Variants in LSAMP observed in about 807,000 individuals in gnomAD.
The protein encoded by LSAMP is limbic system associated membrane protein.
LSAMP carries 7 observed loss-of-function variants against 38.6 expected under a neutral mutation model. The ratio of observed to expected loss-of-function variants is 0.18; its 90% CI spans 0.10 to 0.34. The LOEUF (loss-of-function observed/expected upper bound fraction) is 0.34, where lower values mean the gene tolerates loss of function less well. Ranked by LOEUF, LSAMP falls within the 10% of genes least tolerant of loss-of-function variation. The pLI, the probability that LSAMP is intolerant of heterozygous loss-of-function variation, is 1.00. For missense variants in LSAMP, 313 were observed against 420.0 expected, an observed-to-expected ratio of 0.75 and a Z score of 2.23; for synonymous variants, 154 against 166.8, an observed-to-expected ratio of 0.92 and a Z score of 0.59.
At chr3:115,941,763 C>G (rs1048566898) in intron 3 of LSAMP, among the ~76,000 whole-genome samples, 1 of 152,048 alleles carries the variant, frequency 6.6e-6, no homozygotes, top group African/African-American at 2.4e-5. Context: ...CTCATAGAAA[C>G]AGAATAGAAT....
At chr3:116,419,100 G>T (rs1363947730) in intron 1 of LSAMP, among the ~76,000 whole-genome samples, 1 of 152,072 alleles carries the variant, frequency 6.6e-6, no homozygotes, top group Non-Finnish European at 1.5e-5. Flanking sequence ...TCCTATTCTG[G>T]GTAGGCAATT....
In LSAMP at chr3:115,976,686, T is replaced by C. The variant is rs531580696; in HGVS notation, c.514+42829A>G. Among the ~76,000 whole-genome samples, 9 of 152,246 alleles carry C rather than the reference T, an allele frequency of 5.9e-5. No individual in the cohort carries two copies. The South Asian group carries it at 1.9e-3, about 32-fold the overall frequency. On this transcript the variant is annotated intron_variant, in intron 3 of 6. Coordinates refer to ENST00000490035, the MANE Select transcript of LSAMP (RefSeq NM_002338.5). ...GGGGAAGGAATGTGGTGAGAGGTGA[T>C]TGGATCATGGGGGCGGATTATCCCC...
chr3:115,897,868 G>A (rs888648992), intron 3 of LSAMP, among the ~76,000 whole-genome samples: 2 of 152,118 alleles, frequency 1.3e-5, no homozygotes, highest in African/African-American at 4.8e-5. Context: ...TAATTAAATT[G>A]GGAGGGCAAA....
chr3:116,271,006 A>G (rs1194314359), intron 1 of LSAMP, among the ~76,000 whole-genome samples: 1 of 152,106 alleles, frequency 6.6e-6, no homozygotes, highest in Non-Finnish European at 1.5e-5. Context: ...TTTCATAAGT[A>G]ACATGCTAGA....
intron 6 of LSAMP, among the ~76,000 whole-genome samples, chr3:115,810,857 C>T (rs547340931): frequency 6.6e-6 from 1 of 152,218 alleles, no homozygotes; most frequent in East Asian, 1.9e-4. Flanking sequence ...ACCAATAAAG[C>T]ATGGAACCAA....
intron 3 of LSAMP, among the ~76,000 whole-genome samples, chr3:116,019,100 T>C (rs1940563197): frequency 6.7e-6 from 1 of 149,666 alleles, no homozygotes; most frequent in African/African-American, 2.5e-5. Flanking sequence ...CAAACTGGCA[T>C]GTATTTTACA....
chr3:116,392,394 A>G (rs2048714628), intron 1 of LSAMP, among the ~76,000 whole-genome samples: 1 of 152,214 alleles, frequency 6.6e-6, no homozygotes, highest in Non-Finnish European at 1.5e-5. Context: ...GAGTAAAGTC[A>G]GGGGCCAAGC....
chr3:116,050,113 T>C (rs1404841094), intron 2 of LSAMP, among the ~76,000 whole-genome samples: 1 of 152,118 alleles, frequency 6.6e-6, no homozygotes, highest in African/African-American at 2.4e-5. Context: ...TAATAAAAGA[T>C]CTGAAAGGGT....
intron 2 of LSAMP, among the ~76,000 whole-genome samples, chr3:116,063,824 A>T (rs1324537868): frequency 7.2e-5 from 11 of 152,190 alleles, no homozygotes; most frequent in African/African-American, 2.4e-4. Context: ...ACTACAAAAA[A>T]ACCAAATCTT....
At chr3:116,055,649 T>C (rs1941477972) in intron 2 of LSAMP, among the ~76,000 whole-genome samples, 1 of 152,180 alleles carries the variant, frequency 6.6e-6, no homozygotes, top group Non-Finnish European at 1.5e-5. Context: ...TTGCAAACCA[T>C]GTTTCCTGGT....
At chr3:115,875,606 T>G (rs1338811530) in intron 3 of LSAMP, among the ~76,000 whole-genome samples, 1 of 152,052 alleles carries the variant, frequency 6.6e-6, no homozygotes, top group South Asian at 2.1e-4. Context: ...TGACTGAATA[T>G]TCATGTGAGG....
In LSAMP at chr3:115,924,897, G is replaced by T. The variant is rs187346330; in HGVS notation, c.515-72280C>A. On this transcript the variant is annotated intron_variant, in intron 3 of 6. Coordinates refer to ENST00000490035, the MANE Select transcript of LSAMP (RefSeq NM_002338.5). ...TAGAAAATCCCCTACACTTTGACAGGCCCTGCTCTGGCCTTTCTCTTGCTA... is the reference window on the plus strand; with the variant it reads ...TAGAAAATCCCCTACACTTTGACAGTCCCTGCTCTGGCCTTTCTCTTGCTA... 2.0e-3 allele frequency among the ~76,000 whole-genome samples: 300 copies of T among 152,234 alleles called. 2 individuals carry two copies. The highest frequency in any genetic ancestry group is 6.7e-3 in the African/African-American group (279 of 41,538).
chr3:116,204,755 A>G (rs1360714573), intron 1 of LSAMP, among the ~76,000 whole-genome samples: 1 of 151,072 alleles, frequency 6.6e-6, no homozygotes, highest in Non-Finnish European at 1.5e-5. Context: ...TGTTCCATTG[A>G]TCTATCTCTC....
At chr3:116,078,436 T>C (rs1416027771) in intron 2 of LSAMP, among the ~76,000 whole-genome samples, 1 of 152,064 alleles carries the variant, frequency 6.6e-6, no homozygotes, top group African/African-American at 2.4e-5. Context: ...TCCATTATCC[T>C]GCCTCAGCCT....
At chr3:116,141,771 G>A (rs540503045) in intron 1 of LSAMP, among the ~76,000 whole-genome samples, 2 of 152,070 alleles carry the variant, frequency 1.3e-5, no homozygotes, top group East Asian at 3.9e-4. Flanking sequence ...GAGCTCCGGA[G>A]CTAAAATGGC....
At chr3:116,425,177 CA>C (rs1447076352) in intron 1 of LSAMP, among the ~76,000 whole-genome samples, 1 of 152,174 alleles carries the variant, frequency 6.6e-6, no homozygotes, top group East Asian at 1.9e-4. Flanking sequence ...AACAATTGCT[CA>C]CCTGTAACGA....
chr3:115,860,457 A>G (rs1935642630), intron 3 of LSAMP, among the ~76,000 whole-genome samples: 2 of 152,246 alleles, frequency 1.3e-5, no homozygotes, highest in South Asian at 4.1e-4. Context: ...TTTCAAGTAT[A>G]GAGTGGGAGA....
intron 6 of LSAMP, among the ~76,000 whole-genome samples, chr3:115,827,174 A>G (rs1934444403): frequency 6.6e-6 from 1 of 152,000 alleles, no homozygotes; most frequent in Non-Finnish European, 1.5e-5. Flanking sequence ...CCAGCTTCCA[A>G]CTCATACAAA....
intron 3 of LSAMP, among the ~76,000 whole-genome samples, chr3:115,887,723 C>CTA (rs1936491629): frequency 2.0e-5 from 3 of 151,740 alleles, no homozygotes; most frequent in Admixed American, 6.6e-5. Context: ...CATTGGGTAT[C>CTA]TATATATATC....
Sources: gnomAD v4.1 joint callset for allele counts (sites outside exome capture counted in the v4.1 genomes callset) on GRCh38, gnomAD v4.1.1 for gene constraint, MANE v1.5 for transcripts, NCBI Gene and HGNC (gene_info 2026-07-23, HGNC 2026-07-21) for gene names.